ABCA12: variants seen among roughly 807,000 people sequenced by gnomAD.
The protein encoded by ABCA12 is glucosylceramide transporter ABCA12.
Under a neutral mutation model 293.5 loss-of-function variants are expected in ABCA12, and 156 were observed. The ratio of observed to expected loss-of-function variants is 0.53; its 90% CI spans 0.47 to 0.61. The LOEUF (loss-of-function observed/expected upper bound fraction) is 0.61, where lower values mean the gene tolerates loss of function less well. Among genes scored for constraint, ABCA12 ranks in the 20% least tolerant of loss-of-function variants. ABCA12 has a pLI of 0.00. For missense variants in ABCA12, 2,797 were observed against 3,090.2 expected (o/e 0.91, Z 2.25); for synonymous variants, 1,063 against 1,108.0 (o/e 0.96, Z 0.81).
chr2:214,951,098 A>C lies in ABCA12; in HGVS notation c.6648-15T>G, dbSNP rs1698751601. ...TGAAGAAAAGCCTAAAAATGGACCC[A>C]GTGATTTTACGTCAATGATTTTGAA... On this transcript the variant is annotated splice_polypyrimidine_tract_variant and intron_variant, in intron 44 of 52. Coordinates refer to ENST00000272895, the MANE Select transcript of ABCA12 (RefSeq NM_173076.3). 2 of 1,607,300 alleles carry C rather than the reference A, an allele frequency of 1.2e-6. No individual in the cohort carries two copies. The highest frequency in any genetic ancestry group is 1.7e-6 in the Non-Finnish European group (2 of 1,174,498).
At position 215,052,583 on chromosome 2, in the gene ABCA12, G is replaced by T; in HGVS notation, c.411C>A (p.Ala137=). Residue 137 remains alanine (A), a splice_region_variant and synonymous_variant, in exon 5 of 53, where the codon GCC becomes GCA. Coordinates refer to ENST00000272895, the MANE Select transcript of ABCA12 (RefSeq NM_173076.3). ...CAGAACTTGGACTGGGAAATACTGTGGCTGTAATCAAAGAAGGAACAGATT... is the reference window on the plus strand; with the variant it reads ...CAGAACTTGGACTGGGAAATACTGTTGCTGTAATCAAAGAAGGAACAGATT... ...QVPERRHASL[A]TVFPSPSSDL... is the part of the protein sequence containing the mutation. The T allele has an allele frequency of 6.2e-7, 1 of 1,611,084 alleles. No homozygotes were observed. The highest frequency in any genetic ancestry group is 8.5e-7 in the Non-Finnish European group (1 of 1,177,726).
intron 47 of ABCA12, 191 bp from the exon 48 acceptor site, chr2:214,947,747 T>A: frequency 1.5e-6 from 1 of 673,970 alleles, no homozygotes; most frequent in African/African-American, 1.8e-5. Flanking sequence ...ATAGTTTATT[T>A]AAAGAGATTC....
intron 15 of ABCA12, among the ~76,000 whole-genome samples, chr2:215,012,748 T>C (rs1700405237): frequency 6.6e-6 from 1 of 152,156 alleles, no homozygotes; most frequent in African/African-American, 2.4e-5. Flanking sequence ...ACTAAAAAAA[T>C]CATTGAGTTA....
intron 2 of ABCA12, among the ~76,000 whole-genome samples, chr2:215,068,934 A>G (rs1247390434): frequency 6.6e-6 from 1 of 152,174 alleles, no homozygotes; most frequent in African/African-American, 2.4e-5. Flanking sequence ...AAGTTATGCC[A>G]TGGTCTTTTC....
intron 1 of ABCA12, among the ~76,000 whole-genome samples, chr2:215,129,969 T>C (rs981010680): frequency 3.9e-5 from 6 of 152,202 alleles, no homozygotes; most frequent in Non-Finnish European, 8.8e-5. Flanking sequence ...CCCAGCACCA[T>C]TTATTGAATA....
chr2:215,094,070 C>T (rs1469470525), intron 2 of ABCA12, among the ~76,000 whole-genome samples: 1 of 152,172 alleles, frequency 6.6e-6, no homozygotes, highest in Non-Finnish European at 1.5e-5. Flanking sequence ...GCAAACTGAA[C>T]TCATTGTGTT....
At chr2:214,952,216 T>G (rs936768724) in intron 44 of ABCA12, among the ~76,000 whole-genome samples, 6 of 118,920 alleles carry the variant, frequency 5.0e-5, no homozygotes, top group South Asian at 3.2e-4. Flanking sequence ...ATGCCTTTTT[T>G]TTGTTGTTTT....
chr2:215,079,444 T>C (rs1436882661), intron 2 of ABCA12, among the ~76,000 whole-genome samples: 1 of 152,132 alleles, frequency 6.6e-6, no homozygotes, highest in African/African-American at 2.4e-5. Flanking sequence ...TATTGATGGA[T>C]AAATAATAGA....
chr2:215,004,128 G>C (rs1700202439), intron 20 of ABCA12, 81 bp downstream of exon 20: 1 of 1,246,380 alleles, frequency 8.0e-7, no homozygotes, highest in Non-Finnish European at 1.2e-6. Flanking sequence ...AGAAAAGGGG[G>C]GAAAATGTAA....
At chr2:215,102,585 C>A (rs1702382012) in intron 2 of ABCA12, among the ~76,000 whole-genome samples, 1 of 152,130 alleles carries the variant, frequency 6.6e-6, no homozygotes, top group African/African-American at 2.4e-5. Flanking sequence ...GGCGATAGAG[C>A]AAGACCCTGT....
chr2:214,983,889 T>C lies in ABCA12; in HGVS notation c.4164-24A>G, dbSNP rs373057852. The C allele has an allele frequency of 1.4e-3, 2,178 of 1,603,594 alleles. 2 individuals carry two copies. Among genetic ancestry groups the C allele is most frequent in the Non-Finnish European group, 1.7e-3 (2,035 of 1,172,226 alleles). On this transcript the variant is annotated intron_variant, in intron 28 of 52. Transcript: ENST00000272895. Reference sequence around the variant, plus strand: ...AACTGGAAATGAAGAAATGATAAATTAGGTATAAGCCAAGCATTGAAGCTA... The same window carrying C: ...AACTGGAAATGAAGAAATGATAAATCAGGTATAAGCCAAGCATTGAAGCTA...
chr2:214,956,294 C>T (rs1171650126), intron 42 of ABCA12, among the ~76,000 whole-genome samples: 1 of 152,042 alleles, frequency 6.6e-6, no homozygotes, highest in Non-Finnish European at 1.5e-5. Flanking sequence ...AAGGTATATG[C>T]ACTTCATAAT....
chr2:215,131,856 T>A (rs1326733369), intron 1 of ABCA12, among the ~76,000 whole-genome samples: 1 of 151,994 alleles, frequency 6.6e-6, no homozygotes, highest in Non-Finnish European at 1.5e-5. Flanking sequence ...CTTTCTATCT[T>A]TTTGATGTAA....
At position 215,019,550 on chromosome 2, in the gene ABCA12, T is replaced by G. The variant is rs1700578798; in HGVS notation, c.1534A>C (p.Asn512His). 15 of 1,614,220 alleles carry G rather than the reference T, an allele frequency of 9.3e-6. No homozygotes were observed. The highest frequency in any genetic ancestry group is 1.2e-5 in the Non-Finnish European group (14 of 1,180,032). The change falls in exon 12 of 53, where the codon AAT (asparagine) becomes CAT (histidine). Residue 512 changes from asparagine to histidine, a missense_variant. Asn to His is a moderately conservative substitution (Grantham distance 68). Around this residue, in one of 3 missense-constraint regions of ABCA12, gnomAD observed 656 missense variants for 638.2 expected, o/e 1.03. Coordinates refer to ENST00000272895, the MANE Select transcript of ABCA12 (RefSeq NM_173076.3). The part of the protein sequence containing the change: ...LTGDPSKINL[N>H]MDQFLEQALQ... ...AATGGAAAAACTTACTGATCCATAT[T>G]TAAATTAATTTTGCTTGGATCTCCA...
intron 1 of ABCA12, among the ~76,000 whole-genome samples, chr2:215,114,234 A>G (rs1702641314): frequency 6.6e-6 from 1 of 152,198 alleles, no homozygotes; most frequent in Non-Finnish European, 1.5e-5. Context: ...TGGCCTCCCA[A>G]AGTGCTGAGA....
intron 15 of ABCA12, among the ~76,000 whole-genome samples, chr2:215,014,631 G>A (rs1357281318): frequency 6.6e-6 from 1 of 152,108 alleles, no homozygotes; most frequent in East Asian, 1.9e-4. Context: ...AGGGAGAGGG[G>A]TAGAGGGTAG....
intron 2 of ABCA12, among the ~76,000 whole-genome samples, chr2:215,081,346 T>C (rs902385214): frequency 6.6e-6 from 1 of 151,190 alleles, no homozygotes; most frequent in Non-Finnish European, 1.5e-5. Context: ...GGCATGGTGG[T>C]GCACGCCTGT....
chr2:215,035,214 G>A (rs1700966133), intron 8 of ABCA12, among the ~76,000 whole-genome samples: 1 of 152,178 alleles, frequency 6.6e-6, no homozygotes, highest in African/African-American at 2.4e-5. Context: ...TAACTTTTAG[G>A]AATTGACATT....
chr2:215,118,218 A>G (rs939412056), intron 1 of ABCA12, among the ~76,000 whole-genome samples: 1 of 152,150 alleles, frequency 6.6e-6, no homozygotes, highest in Non-Finnish European at 1.5e-5. Context: ...CCTGGCCAAC[A>G]TGGTGAAAAC....
Sources: gnomAD v4.1 joint callset for allele counts (sites outside exome capture counted in the v4.1 genomes callset) on GRCh38, gnomAD v4.1.1 for gene constraint, gnomAD v4.1.1 regional missense constraint, MANE v1.5 for transcripts, NCBI Gene and HGNC (gene_info 2026-07-23, HGNC 2026-07-21) for gene names.